The following ADAMTS2 variants were observed in gnomAD, a reference collection of about 807,000 sequenced individuals.
The protein encoded by ADAMTS2 is A disintegrin and metalloproteinase with thrombospondin motifs 2.
ADAMTS2 carries 50 observed loss-of-function variants against 123.0 expected under a neutral mutation model. The ratio of observed to expected loss-of-function variants is 0.41; its 90% CI spans 0.32 to 0.51. ADAMTS2 has a LOEUF of 0.51. Ranked by LOEUF, ADAMTS2 falls within the 20% of genes least tolerant of loss-of-function variation. ADAMTS2 has a pLI of 0.35. For synonymous variants in ADAMTS2, 678 were observed against 695.4 expected, an observed-to-expected ratio of 0.98 and a Z score of 0.39; for missense variants, 1,494 against 1,705.2, an observed-to-expected ratio of 0.88 and a Z score of 2.18.
At chr5:179,210,246 C>T (rs1334099117) in intron 3 of ADAMTS2, among the ~76,000 whole-genome samples, 1 of 152,184 alleles carries the variant, frequency 6.6e-6, no homozygotes, top group South Asian at 2.1e-4. Context: ...GTCCTCCTGG[C>T]CCTAACCCCA....
rs1016114783 is a variant in ADAMTS2, at chr5:179,332,793, T to A, written c.534+10974A>T. Reference sequence around the variant, plus strand: ...AGGGAAGGAGAGGAGACCAGGAGCCTCCCAGGGCCTGGGCACCTGCCTGGG... The same window carrying A: ...AGGGAAGGAGAGGAGACCAGGAGCCACCCAGGGCCTGGGCACCTGCCTGGG... On this transcript the variant is annotated intron_variant, in intron 2 of 21. Coordinates refer to ENST00000251582, the MANE Select transcript of ADAMTS2 (RefSeq NM_014244.5). The surrounding 1 kb of genome is among the most constrained non-coding windows in gnomAD (Gnocchi z 4.2). Among the ~76,000 whole-genome samples the A allele has an allele frequency of 4.6e-5, 7 of 151,818 alleles. No homozygotes were observed. The highest frequency in any genetic ancestry group is 8.8e-5 in the Non-Finnish European group (6 of 67,894).
chr5:179,163,917 G>A (rs981349144), intron 5 of ADAMTS2, among the ~76,000 whole-genome samples: 2 of 152,138 alleles, frequency 1.3e-5, no homozygotes, highest in African/African-American at 2.4e-5. Flanking sequence ...GGAGGGGGCA[G>A]AGGGGAGGGC....
At chr5:179,297,919 C>G (rs1756388684) in intron 2 of ADAMTS2, among the ~76,000 whole-genome samples, 1 of 152,186 alleles carries the variant, frequency 6.6e-6, no homozygotes, top group African/African-American at 2.4e-5. Context: ...GACCTCCCTT[C>G]CCTCACAGCC....
At chr5:179,121,876 G>A (rs550036696) in intron 20 of ADAMTS2, 126 bp from the exon 21 acceptor site, 14 of 595,562 alleles carry the variant, frequency 2.4e-5, no homozygotes, top group South Asian at 1.3e-4. Flanking sequence ...CTCCCCGGGC[G>A]GACAAAGGGT....
chr5:179,321,150 C>G (rs1024018238), intron 2 of ADAMTS2, among the ~76,000 whole-genome samples: 2 of 152,142 alleles, frequency 1.3e-5, no homozygotes, highest in East Asian at 1.9e-4. Context: ...TACACTCTCT[C>G]TTCTATAGCT....
Position 179,188,782 on chromosome 5 carries a change from C to A in ADAMTS2, c.892-7627G>T, listed in dbSNP as rs1381153433. Among the ~76,000 whole-genome samples the A allele has an allele frequency of 6.6e-6, 1 of 152,170 alleles. No homozygotes were observed. The highest frequency in any genetic ancestry group is 2.4e-5 in the African/African-American group (1 of 41,430). ...ACTCTGCTGATACCTCTGCAGATGCCTCAGGGTGGGGACGGGGCTCCTCCA... is the reference window on the plus strand; with the variant it reads ...ACTCTGCTGATACCTCTGCAGATGCATCAGGGTGGGGACGGGGCTCCTCCA... On this transcript the variant is annotated intron_variant, in intron 4 of 21. Coordinates refer to ENST00000251582, the MANE Select transcript of ADAMTS2 (RefSeq NM_014244.5). This position sits in a 1 kb window ranked among gnomAD's most constrained non-coding sequence, Gnocchi z 5.1.
intron 2 of ADAMTS2, among the ~76,000 whole-genome samples, chr5:179,289,563 C>T (rs1369232071): frequency 6.6e-6 from 1 of 152,100 alleles, no homozygotes; most frequent in African/African-American, 2.4e-5. Flanking sequence ...ACAGCAGCTA[C>T]CCACGGGAGA....
At chr5:179,250,937 A>C (rs1024012308) in intron 3 of ADAMTS2, among the ~76,000 whole-genome samples, 5 of 152,232 alleles carry the variant, frequency 3.3e-5, no homozygotes, top group African/African-American at 1.2e-4. Flanking sequence ...CTGAAACACT[A>C]GACAGGAGAG....
chr5:179,344,701 C>G (rs1346542278), intron 1 of ADAMTS2, among the ~76,000 whole-genome samples: 2 of 152,236 alleles, frequency 1.3e-5, no homozygotes, highest in African/African-American at 4.8e-5. Flanking sequence ...AGCCCGCTGC[C>G]GGCCCCGTCT....
At chr5:179,325,708 G>T (rs1241340467) in intron 2 of ADAMTS2, among the ~76,000 whole-genome samples, 1 of 152,264 alleles carries the variant, frequency 6.6e-6, no homozygotes, top group Non-Finnish European at 1.5e-5. Flanking sequence ...GCCCAGGCAG[G>T]ACCCACGGGG....
At chr5:179,135,819 T>C (rs538736066) in intron 13 of ADAMTS2, 90 bp downstream of exon 13, 3 of 1,580,958 alleles carry the variant, frequency 1.9e-6, no homozygotes, top group East Asian at 2.3e-5. Context: ...ACCTCATGCA[T>C]CTTGCCAATA....
intron 5 of ADAMTS2, among the ~76,000 whole-genome samples, chr5:179,160,035 C>A (rs937814400): frequency 6.6e-6 from 1 of 152,204 alleles, no homozygotes; most frequent in Non-Finnish European, 1.5e-5. Flanking sequence ...ATGTTCTTTT[C>A]CCCTTTAAGG....
At chr5:179,230,186 G>C (rs1384357053) in intron 3 of ADAMTS2, among the ~76,000 whole-genome samples, 2 of 152,248 alleles carry the variant, frequency 1.3e-5, no homozygotes, top group African/African-American at 4.8e-5. Context: ...GGCAGGGCAG[G>C]CTGGGCAGGG....
rs1474280568 is a variant in ADAMTS2, at chr5:179,185,364, C to T, written c.892-4209G>A. On this transcript the variant is annotated intron_variant, in intron 4 of 21. Transcript: ENST00000251582. The surrounding 1 kb of genome is among the most constrained non-coding windows in gnomAD (Gnocchi z 5.9). ...GGATTGGAATAGGGGTCATCTGCCC[C>T]GCCTGAGCAGGGAGAGGCTGGGGCT... Among the ~76,000 whole-genome samples the T allele has an allele frequency of 2.6e-5, 4 of 152,096 alleles. No individual in the cohort carries two copies. The highest frequency in any genetic ancestry group is 4.8e-5 in the African/African-American group (2 of 41,424).
In ADAMTS2 at chr5:179,158,162, T is replaced by G. The variant is rs1411694312; in HGVS notation, c.1132+561A>C. Among the ~76,000 whole-genome samples, 1 of 152,148 alleles carries G rather than the reference T, an allele frequency of 6.6e-6. No homozygotes were observed. The highest frequency in any genetic ancestry group is 6.5e-5 in the Admixed American group (1 of 15,276). ...TTGTATTTTTATTAGAGACGGGGTT[T>G]CACCATGTTAGCCAAGATGGTCTCG... On this transcript the variant is annotated intron_variant, in intron 6 of 21. Transcript: ENST00000251582. This position sits in a 1 kb window ranked among gnomAD's most constrained non-coding sequence, Gnocchi z 5.0.
At chr5:179,245,135 G>T (rs1299284175) in intron 3 of ADAMTS2, among the ~76,000 whole-genome samples, 1 of 152,192 alleles carries the variant, frequency 6.6e-6, no homozygotes, top group Non-Finnish European at 1.5e-5. Context: ...AGAGGGGGAA[G>T]GGGGAAGCAG....
intron 5 of ADAMTS2, among the ~76,000 whole-genome samples, chr5:179,165,869 C>A (rs1185931707): frequency 6.6e-6 from 1 of 152,202 alleles, no homozygotes; most frequent in Non-Finnish European, 1.5e-5. Context: ...AGGGGCCCAT[C>A]CAGCCCAGGA....
At chr5:179,137,665 C>T (rs918881954) in intron 12 of ADAMTS2, 104 bp downstream of exon 12, 32 of 1,455,394 alleles carry the variant, frequency 2.2e-5, no homozygotes, top group South Asian at 3.7e-5. Flanking sequence ...AGCCCAGGGT[C>T]GCGGCAGCCT....
chr5:179,177,463 G>T (rs1162826517), intron 5 of ADAMTS2, among the ~76,000 whole-genome samples: 12 of 152,170 alleles, frequency 7.9e-5, no homozygotes, highest in Non-Finnish European at 1.2e-4. Flanking sequence ...GAGTTTACAG[G>T]GTATTGTATT....
Sources: gnomAD v4.1 joint callset for allele counts (sites outside exome capture counted in the v4.1 genomes callset) on GRCh38, gnomAD v4.1.1 for gene constraint, Gnocchi (gnomAD v3.1) non-coding constraint, MANE v1.5 for transcripts, NCBI Gene and HGNC (gene_info 2026-07-23, HGNC 2026-07-21) for gene names.